The following ITGA8 variants were observed in gnomAD, a reference collection of about 807,000 sequenced individuals.
The protein encoded by ITGA8 is integrin alpha-8.
ITGA8 carries 91 observed loss-of-function variants against 142.3 expected under a neutral mutation model. The ratio of observed to expected loss-of-function variants is 0.64; its 90% confidence interval spans 0.54 to 0.76. The LOEUF is 0.76. Among genes scored for constraint, ITGA8 ranks in the 30% least tolerant of loss-of-function variants. The pLI is 0.00. For missense variants in ITGA8, 1,406 were observed against 1,327.7 expected (o/e 1.06, Z -0.92); for synonymous variants, 505 against 485.2 (o/e 1.04, Z -0.54).
Position 15,613,754 on chromosome 10 carries a change from C to T in ITGA8, c.1459G>A (p.Val487Met), listed in dbSNP as rs1022026696. Residue 487 changes from valine to methionine, a missense_variant, in exon 15 of 30, where the codon GTG becomes ATG. Coordinates refer to ENST00000378076, the MANE Select transcript of ITGA8 (RefSeq NM_003638.3). ...KVAVYRARPV[V>M]TVDAQLLLHP... ...AGCAGAAGCTGGGCATCTACAGTCA[C>T]AACCGGTCTTGCTCTGCGGGGAGAA... 1.2e-6 allele frequency: 2 copies of T among 1,613,718 alleles called. No homozygotes were observed. Among genetic ancestry groups the T allele is most frequent in the Non-Finnish European group, 8.5e-7 (1 of 1,179,614 alleles).
intron 20 of ITGA8, among the ~76,000 whole-genome samples, chr10:15,601,645 T>C (rs2353416): frequency 0.014 from 2,187 of 152,264 alleles, 57 homozygotes; most frequent in African/African-American, 0.049. Context: ...ACACCTTTTT[T>C]CACAGAAAAA....
At chr10:15,554,858 G>A (rs1463953814) in intron 26 of ITGA8, among the ~76,000 whole-genome samples, 2 of 151,778 alleles carry the variant, frequency 1.3e-5, no homozygotes, top group East Asian at 1.9e-4. Flanking sequence ...AAAGGGTGAA[G>A]GAAAAGCAAA....
At chr10:15,632,508 A>C (rs1158893102) in intron 13 of ITGA8, among the ~76,000 whole-genome samples, 1 of 152,174 alleles carries the variant, frequency 6.6e-6, no homozygotes, top group African/African-American at 2.4e-5. Flanking sequence ...TGGATCTGTG[A>C]ATTTCTGAAA....
chr10:15,614,215 G>C (rs1197591209), intron 14 of ITGA8, among the ~76,000 whole-genome samples: 2 of 152,144 alleles, frequency 1.3e-5, no homozygotes, highest in Non-Finnish European at 2.9e-5. Context: ...GTGAGTACTT[G>C]AAGTTTGCAA....
chr10:15,628,395 C>T (rs1247885044), intron 13 of ITGA8, among the ~76,000 whole-genome samples: 7 of 131,836 alleles, frequency 5.3e-5, no homozygotes, highest in East Asian at 2.4e-4. Flanking sequence ...ATGCAGTGGC[C>T]GATCTCTGCT....
In ITGA8 at chr10:15,697,046, A is replaced by AACACAC. The variant is rs1491456295; in HGVS notation, c.344-9014_344-9009dup. 2.4e-3 allele frequency among the ~76,000 whole-genome samples: 357 copies of AACACAC among 147,460 alleles called. 5 individuals carry two copies. Among genetic ancestry groups the AACACAC allele is most frequent in the East Asian group, 0.023 (117 of 4,980 alleles). On this transcript the variant is annotated intron_variant, in intron 2 of 29. Transcript: ENST00000378076. ...AGAGTAAGTACTCTCTTGTCTCTAA[A>AACACAC]ACACACACACACACACACACAAGAA...
At chr10:15,690,702 A>C in intron 2 of ITGA8, among the ~76,000 whole-genome samples, 1 of 152,184 alleles carries the variant, frequency 6.6e-6, no homozygotes, top group East Asian at 1.9e-4. Context: ...AAGATTTCTG[A>C]AACTCTTGCT....
intron 28 of ITGA8, among the ~76,000 whole-genome samples, chr10:15,525,988 A>T: frequency 6.6e-6 from 1 of 152,220 alleles, no homozygotes. Context: ...ACCGTGTTTA[A>T]TGGAAAAATA....
chr10:15,576,979 A>G (rs955960663), intron 23 of ITGA8, among the ~76,000 whole-genome samples: 1 of 152,026 alleles, frequency 6.6e-6, no homozygotes, highest in Non-Finnish European at 1.5e-5. Flanking sequence ...ACTTGGTTTG[A>G]TTAAATCATG....
intron 13 of ITGA8, among the ~76,000 whole-genome samples, chr10:15,624,860 T>C (rs966887292): frequency 7.2e-5 from 11 of 152,204 alleles, no homozygotes; most frequent in African/African-American, 2.2e-4. Flanking sequence ...AGATGGCGGA[T>C]ACATCTGGCA....
chr10:15,541,429 C>A (rs1053167482), intron 27 of ITGA8, among the ~76,000 whole-genome samples: 1 of 152,188 alleles, frequency 6.6e-6, no homozygotes, highest in African/African-American at 2.4e-5. Flanking sequence ...ACTTCTTGTT[C>A]ACTTTGTTCA....
intron 25 of ITGA8, among the ~76,000 whole-genome samples, chr10:15,566,053 A>G (rs2131576687): frequency 6.6e-6 from 1 of 152,268 alleles, no homozygotes; most frequent in Middle Eastern, 3.4e-3. Context: ...AGTACCCTAA[A>G]GGATAAGACA....
chr10:15,542,090 T>C (rs1035325714), intron 27 of ITGA8, among the ~76,000 whole-genome samples: 6 of 152,188 alleles, frequency 3.9e-5, no homozygotes, highest in Non-Finnish European at 5.9e-5. Context: ...GACACTGTTA[T>C]GGGGCAAAGG....
At chr10:15,572,970 G>C (rs1009711214) in intron 24 of ITGA8, among the ~76,000 whole-genome samples, 4 of 152,152 alleles carry the variant, frequency 2.6e-5, no homozygotes, top group African/African-American at 9.7e-5. Context: ...TTTAACACGT[G>C]AATCCTATAC....
chr10:15,621,283 G>T (rs960520553), intron 13 of ITGA8, among the ~76,000 whole-genome samples: 11 of 151,568 alleles, frequency 7.3e-5, no homozygotes, highest in African/African-American at 2.7e-4. Flanking sequence ...CGTTGCCTGA[G>T]AAACATAGTT....
intron 13 of ITGA8, among the ~76,000 whole-genome samples, chr10:15,640,115 G>A (rs2131642162): frequency 6.6e-6 from 1 of 152,296 alleles, no homozygotes; most frequent in African/African-American, 2.4e-5. Context: ...GCTTGCAAAA[G>A]GCATGCAGTT....
At chr10:15,570,634 A>AAG (rs1588650936) in intron 25 of ITGA8, among the ~76,000 whole-genome samples, 1 of 150,330 alleles carries the variant, frequency 6.7e-6, no homozygotes, top group Non-Finnish European at 1.5e-5. Flanking sequence ...AAAAAAAAAA[A>AAG]GAGAATAAGT....
chr10:15,716,804 G>A (rs1835462449), intron 2 of ITGA8, among the ~76,000 whole-genome samples: 1 of 151,618 alleles, frequency 6.6e-6, no homozygotes. Context: ...CCAAGTAGCT[G>A]GGATTACACC....
At chr10:15,522,413 A>G (rs1833088696) in intron 28 of ITGA8, among the ~76,000 whole-genome samples, 1 of 152,198 alleles carries the variant, frequency 6.6e-6, no homozygotes, top group Non-Finnish European at 1.5e-5. Flanking sequence ...CAAGATGAAC[A>G]TAATATTGCT....
Sources: allele counts gnomAD v4.1 joint callset (sites outside exome capture counted in the v4.1 genomes callset), GRCh38; gene constraint gnomAD v4.1.1; transcripts MANE v1.5; gene names NCBI Gene and HGNC (gene_info 2026-07-23, HGNC 2026-07-21).